Variants in ERBB4 observed in about 807,000 individuals in gnomAD.
ERBB4 encodes receptor tyrosine-protein kinase erbB-4.
A neutral mutation model predicts 158.0 loss-of-function variants in ERBB4; 42 were observed. The observed-to-expected ratio is 0.27, with a 90% CI of 0.21 to 0.34. ERBB4 has a LOEUF of 0.34. Ranked by LOEUF, ERBB4 falls within the 10% of genes least tolerant of loss-of-function variation. ERBB4 has a pLI of 1.00. For missense variants in ERBB4, 1,333 were observed against 1,624.1 expected (o/e 0.82, Z 3.08); for synonymous variants, 583 against 558.7 (o/e 1.04, Z -0.61).
chr2:212,383,946 T>C (rs969451239), intron 1 of ERBB4, among the ~76,000 whole-genome samples: 21 of 151,654 alleles, frequency 1.4e-4, no homozygotes, highest in Non-Finnish European at 2.7e-4. Flanking sequence ...TGTCATTGCT[T>C]GCTTGACATT....
chr2:211,895,010 G>GGA (rs2079063129), intron 3 of ERBB4, among the ~76,000 whole-genome samples: 1 of 152,078 alleles, frequency 6.6e-6, no homozygotes, highest in African/African-American at 2.4e-5. Context: ...AAAGGCATAA[G>GGA]GAAATAAAAT....
chr2:212,529,145 T>C (rs1019191097), intron 1 of ERBB4, among the ~76,000 whole-genome samples: 3 of 152,184 alleles, frequency 2.0e-5, no homozygotes. Context: ...TTGAGCTTCT[T>C]ATATTTCCTC....
At chr2:211,784,473 A>G (rs748537925) in intron 4 of ERBB4, among the ~76,000 whole-genome samples, 6 of 152,164 alleles carry the variant, frequency 3.9e-5, no homozygotes, top group Non-Finnish European at 8.8e-5. Flanking sequence ...CATTGTATGT[A>G]TATACTGCAT....
At chr2:212,256,752 A>T (rs1282819290) in intron 1 of ERBB4, among the ~76,000 whole-genome samples, 1 of 152,156 alleles carries the variant, frequency 6.6e-6, no homozygotes, top group African/African-American at 2.4e-5. Context: ...ACATGATTTT[A>T]AAACCTACAC....
At chr2:211,547,982 G>T (rs971280945) in intron 20 of ERBB4, among the ~76,000 whole-genome samples, 3 of 152,042 alleles carry the variant, frequency 2.0e-5, no homozygotes, top group African/African-American at 7.2e-5. Context: ...GGTTAGACAA[G>T]AAAAAGCCTA....
chr2:212,537,373 G>A (rs1693146192), intron 1 of ERBB4, among the ~76,000 whole-genome samples: 1 of 152,028 alleles, frequency 6.6e-6, no homozygotes, highest in Non-Finnish European at 1.5e-5. Flanking sequence ...GACCTCTCCC[G>A]TCCCACTTTC....
At chr2:212,274,815 C>T (rs550289348) in intron 1 of ERBB4, among the ~76,000 whole-genome samples, 159 of 151,758 alleles carry the variant, frequency 1.0e-3, no homozygotes, top group African/African-American at 3.6e-3. Context: ...GGTACATGTG[C>T]AGAACATGCA....
At chr2:212,512,356 A>C (rs1022916842) in intron 1 of ERBB4, among the ~76,000 whole-genome samples, 1 of 146,168 alleles carries the variant, frequency 6.8e-6, no homozygotes, top group Non-Finnish European at 1.5e-5. Context: ...ATATATATAT[A>C]TACACAAAAA....
chr2:211,515,912 A>ATATATATATATATATATT (rs35696520), intron 20 of ERBB4, among the ~76,000 whole-genome samples: 10 of 78,980 alleles, frequency 1.3e-4, no homozygotes, highest in African/African-American at 2.8e-4. Flanking sequence ...ATATATATAT[A>ATATATATATATATATATT]TTTTTTTTTT....
chr2:211,836,354 T>A (rs566383921), intron 3 of ERBB4, among the ~76,000 whole-genome samples: 1 of 152,176 alleles, frequency 6.6e-6, no homozygotes, highest in African/African-American at 2.4e-5. Context: ...AGAATCCATA[T>A]GCAAACTTAC....
At chr2:211,671,529 T>C (rs1271084459) in intron 14 of ERBB4, among the ~76,000 whole-genome samples, 1 of 152,162 alleles carries the variant, frequency 6.6e-6, no homozygotes, top group African/African-American at 2.4e-5. Flanking sequence ...AATGAAACAT[T>C]AGGCAAGTTT....
At chr2:211,852,542 T>C (rs1020590028) in intron 3 of ERBB4, among the ~76,000 whole-genome samples, 1 of 151,926 alleles carries the variant, frequency 6.6e-6, no homozygotes, top group African/African-American at 2.4e-5. Context: ...GGTCCTCAAA[T>C]TACATTGTTT....
At chr2:212,222,810 AC>A (rs2083339933) in intron 1 of ERBB4, among the ~76,000 whole-genome samples, 1 of 151,344 alleles carries the variant, frequency 6.6e-6, no homozygotes, top group Non-Finnish European at 1.5e-5. Context: ...TAATGTCTTT[AC>A]CCCATACATA....
chr2:211,486,902 TAC>T, intron 20 of ERBB4, among the ~76,000 whole-genome samples: 1 of 152,278 alleles, frequency 6.6e-6, no homozygotes, highest in South Asian at 2.1e-4. Context: ...GGAGATTTGG[TAC>T]AGAGTGTCTT....
intron 7 of ERBB4, among the ~76,000 whole-genome samples, chr2:211,722,002 A>C (rs2074112674): frequency 6.6e-6 from 1 of 152,128 alleles, no homozygotes; most frequent in Non-Finnish European, 1.5e-5. Context: ...AGCTGGGGCT[A>C]CAGGCGCCCG....
chr2:212,476,353 CA>C (rs1689402422), intron 1 of ERBB4, among the ~76,000 whole-genome samples: 1 of 152,000 alleles, frequency 6.6e-6, no homozygotes, highest in South Asian at 2.1e-4. Flanking sequence ...TAGTAGGTGT[CA>C]AAAAACATTT....
chr2:211,819,383 A>C (rs2076944311), intron 3 of ERBB4, among the ~76,000 whole-genome samples: 2 of 152,064 alleles, frequency 1.3e-5, no homozygotes, highest in South Asian at 4.1e-4. Flanking sequence ...AGATACATAC[A>C]AAGTACAAAG....
chr2:211,396,145 T>G (rs955467541), intron 25 of ERBB4, among the ~76,000 whole-genome samples: 7 of 152,176 alleles, frequency 4.6e-5, no homozygotes, highest in African/African-American at 1.7e-4. Context: ...TTTTAGGCTC[T>G]GTGTATGTGT....
At chr2:211,944,183 A>AC (rs1559154674) in intron 3 of ERBB4, among the ~76,000 whole-genome samples, 1 of 41,950 alleles carries the variant, frequency 2.4e-5, no homozygotes, top group African/African-American at 1.2e-4. Context: ...TATACTATAT[A>AC]TATATATATA....
Sources: gnomAD v4.1 joint callset for allele counts (sites outside exome capture counted in the v4.1 genomes callset) on GRCh38, gnomAD v4.1.1 for gene constraint, MANE v1.5 for transcripts, NCBI Gene and HGNC (gene_info 2026-07-23, HGNC 2026-07-21) for gene names.